The following KCNH5 variants were observed in gnomAD, a reference collection of about 807,000 sequenced individuals.
The protein encoded by KCNH5 is voltage-gated delayed rectifier potassium channel KCNH5.
A neutral mutation model predicts 96.1 loss-of-function variants in KCNH5; 46 were observed. The ratio of observed to expected loss-of-function variants is 0.48; its 90% confidence interval spans 0.38 to 0.61. The LOEUF (loss-of-function observed/expected upper bound fraction) is 0.61. KCNH5 is among the 20% of genes least tolerant of loss of function. The pLI is 0.00. For missense variants in KCNH5, 907 were observed against 1,225.8 expected (o/e 0.74, Z 3.88); for synonymous variants, 439 against 449.8 (o/e 0.98, Z 0.30).
intron 7 of KCNH5, among the ~76,000 whole-genome samples, chr14:62,887,838 T>C (rs1336474483): frequency 1.3e-5 from 2 of 152,182 alleles, no homozygotes; most frequent in East Asian, 3.8e-4. Context: ...AGCATTGCTA[T>C]TGAGTAGTCT....
intron 8 of KCNH5, among the ~76,000 whole-genome samples, chr14:62,844,592 A>G (rs1887653326): frequency 6.6e-6 from 1 of 152,178 alleles, no homozygotes; most frequent in Admixed American, 6.5e-5. Context: ...CAAAGCCCAG[A>G]TGATGGATTT....
intron 10 of KCNH5, among the ~76,000 whole-genome samples, chr14:62,712,978 G>T (rs1027370380): frequency 6.6e-6 from 1 of 151,968 alleles, no homozygotes; most frequent in African/African-American, 2.4e-5. Context: ...GAGCAGGGAG[G>T]GTCAAAGAAT....
At chr14:62,820,455 C>T (rs1887092240) in intron 8 of KCNH5, among the ~76,000 whole-genome samples, 2 of 151,452 alleles carry the variant, frequency 1.3e-5, no homozygotes, top group South Asian at 2.1e-4. Flanking sequence ...AGCCTAATAC[C>T]CATTAGTTAT....
chr14:62,976,523 A>G (rs903354979), intron 6 of KCNH5, among the ~76,000 whole-genome samples: 4 of 152,188 alleles, frequency 2.6e-5, no homozygotes, highest in African/African-American at 9.7e-5. Flanking sequence ...TCATAATAGG[A>G]AAAAATATCA....
chr14:63,004,782 A>G (rs1891095361), intron 3 of KCNH5, among the ~76,000 whole-genome samples: 1 of 151,584 alleles, frequency 6.6e-6, no homozygotes. Flanking sequence ...TTTTTTTTTC[A>G]TAGAGGCAGG....
intron 4 of KCNH5, among the ~76,000 whole-genome samples, chr14:62,992,455 A>T (rs1450141428): frequency 6.6e-6 from 1 of 151,926 alleles, no homozygotes; most frequent in Non-Finnish European, 1.5e-5. Context: ...AGTGTACAAG[A>T]GTTCCCTTTT....
At chr14:62,838,704 A>C (rs1160306230) in intron 8 of KCNH5, among the ~76,000 whole-genome samples, 1 of 152,174 alleles carries the variant, frequency 6.6e-6, no homozygotes, top group Non-Finnish European at 1.5e-5. Flanking sequence ...TTGCCTTTAC[A>C]GTGCAGACAT....
intron 9 of KCNH5, among the ~76,000 whole-genome samples, chr14:62,781,254 G>A (rs966389917): frequency 6.6e-6 from 1 of 152,146 alleles, no homozygotes; most frequent in Non-Finnish European, 1.5e-5. Context: ...ATAGGTGTGG[G>A]TCACAGACAT....
intron 4 of KCNH5, among the ~76,000 whole-genome samples, chr14:62,997,772 C>T (rs1380377092): frequency 4.0e-5 from 6 of 151,492 alleles, no homozygotes; most frequent in East Asian, 1.9e-4. Flanking sequence ...TGGTGGTGGG[C>T]GCCTGTAGTC....
chr14:62,776,236 C>A (rs1374219867), intron 10 of KCNH5, among the ~76,000 whole-genome samples: 2 of 151,754 alleles, frequency 1.3e-5, no homozygotes, highest in Admixed American at 1.3e-4. Flanking sequence ...CACTGCACTC[C>A]AGCCTGGGTG....
In KCNH5 at chr14:63,001,455, G is replaced by C. The variant is rs746104259; in HGVS notation, c.309C>G (p.Thr103=). Residue 103 remains threonine, a synonymous_variant, in exon 4 of 11, where the codon ACC becomes ACG. Coordinates refer to ENST00000322893, the MANE Select transcript of KCNH5 (RefSeq NM_139318.5). The part of the protein sequence containing the change: ...FEVLLYKKNR[T]PVWFYMQIAP... ...CAATTTGCATATAAAACCAAACAGG[G>C]GTTCCTGTAACAGAAAGAAGTTGGG... is the stretch of plus-strand genomic sequence containing the variant. 6.2e-7 allele frequency: 1 copy of C among 1,609,266 alleles called. No individual in the cohort carries two copies. Among genetic ancestry groups the C allele is most frequent in the Admixed American group, 1.7e-5 (1 of 59,180 alleles).
intron 8 of KCNH5, among the ~76,000 whole-genome samples, chr14:62,833,194 T>C (rs1193604722): frequency 1.3e-5 from 2 of 152,058 alleles, no homozygotes; most frequent in Non-Finnish European, 2.9e-5. Context: ...ATTTTGCTTT[T>C]AGTGTCACAT....
intron 8 of KCNH5, among the ~76,000 whole-genome samples, chr14:62,830,058 A>C (rs1887310347): frequency 6.6e-6 from 1 of 152,170 alleles, no homozygotes; most frequent in Admixed American, 6.5e-5. Context: ...ATACATCTCT[A>C]GGGCAGGGGC....
Position 62,702,136 on chromosome 14 carries a change from A to G in KCNH5, c.*5372T>C, listed in dbSNP as rs1884357275. ...AGGTTAAAATTCAACTGGAAAAGAA[A>G]ATGTTGATACCAGTGACCATATATC... On this transcript the variant is annotated 3_prime_UTR_variant, in exon 11 of 11. Coordinates refer to ENST00000322893, the MANE Select transcript of KCNH5 (RefSeq NM_139318.5). The G allele has an allele frequency of 6.6e-6, 1 of 152,104 alleles. No homozygotes were observed. The highest frequency in any genetic ancestry group is 1.5e-5 in the Non-Finnish European group (1 of 67,950). The allele number at this position is 152,104 out of a possible 1,614,324, so 9.4% of individuals were successfully genotyped here. A position where few individuals can be genotyped will look rare whatever the true frequency, so the allele number is the denominator to read the frequency against.
intron 10 of KCNH5, among the ~76,000 whole-genome samples, chr14:62,736,753 T>G (rs12589213): frequency 6.6e-6 from 1 of 152,124 alleles, no homozygotes; most frequent in African/African-American, 2.4e-5. Context: ...CTGACCAAAA[T>G]TGGCCAGAAG....
chr14:62,904,349 T>C (rs1888986553), intron 7 of KCNH5, among the ~76,000 whole-genome samples: 1 of 152,238 alleles, frequency 6.6e-6, no homozygotes, highest in African/African-American at 2.4e-5. Flanking sequence ...ACTTGTATGC[T>C]ACTATGACAG....
chr14:62,751,914 C>A (rs1885508885), intron 10 of KCNH5, among the ~76,000 whole-genome samples: 1 of 152,194 alleles, frequency 6.6e-6, no homozygotes, highest in Non-Finnish European at 1.5e-5. Flanking sequence ...AGGGTCTGTC[C>A]TTCTCTTGAG....
At chr14:62,944,040 G>A (rs1889840263) in intron 7 of KCNH5, among the ~76,000 whole-genome samples, 1 of 152,094 alleles carries the variant, frequency 6.6e-6, no homozygotes, top group Non-Finnish European at 1.5e-5. Context: ...ATTAGGGGAA[G>A]GCCTATACTA....
chr14:62,757,899 A>G (rs1383996991), intron 10 of KCNH5, among the ~76,000 whole-genome samples: 2 of 152,132 alleles, frequency 1.3e-5, no homozygotes, highest in African/African-American at 2.4e-5. Flanking sequence ...TAATCCCAGC[A>G]CTTCGGGAGG....
Sources: gnomAD v4.1 joint callset for allele counts (sites outside exome capture counted in the v4.1 genomes callset) on GRCh38, gnomAD v4.1.1 for gene constraint, MANE v1.5 for transcripts, NCBI Gene and HGNC (gene_info 2026-07-23, HGNC 2026-07-21) for gene names.